Variants in TASOR2 observed in about 807,000 individuals in gnomAD.
The protein encoded by TASOR2 is transcription activation suppressor family member 2, also known as protein TASOR 2.
In TASOR2, 84 loss-of-function variants were observed where a neutral mutation model predicts 199.5. The observed-to-expected ratio is 0.42, with a 90% confidence interval of 0.35 to 0.50. TASOR2 has a LOEUF of 0.50. TASOR2 is among the 20% of genes least tolerant of loss of function. The pLI, the probability that TASOR2 is intolerant of heterozygous loss-of-function variation, is 0.02. For missense variants in TASOR2, 2,796 were observed against 2,835.9 expected, an observed-to-expected ratio of 0.99 and a Z score of 0.32; for synonymous variants, 1,103 against 1,046.6, an observed-to-expected ratio of 1.05 and a Z score of -1.04.
At chr10:5,746,727 A>G in exon 15 of TASOR2, 1 of 1,614,164 alleles carries the variant, frequency 6.2e-7, no homozygotes, top group Non-Finnish European at 8.5e-7. Context: ...CGGAAAATGC[A>G]CGAACACAAG....
intron 2 of TASOR2, among the ~76,000 whole-genome samples, chr10:5,716,440 A>T (rs1339676442): frequency 6.6e-6 from 1 of 152,218 alleles, no homozygotes; most frequent in Non-Finnish European, 1.5e-5. Flanking sequence ...TAAAGTTTAC[A>T]TTCAACTCAT....
At position 5,711,156 on chromosome 10, in the gene TASOR2, A is replaced by G. The variant is rs1475646505; in HGVS notation, c.-287-1667A>G. 2.0e-5 allele frequency among the ~76,000 whole-genome samples: 3 copies of G among 152,244 alleles called. No individual in the cohort carries two copies. The East Asian group carries it at 5.8e-4, about 29-fold the overall frequency. ...AAACATTTCATTCTTTTCTATTTACAGTCTTTCATTTTGATACTTGGAAGT... is the reference window on the plus strand; with the variant it reads ...AAACATTTCATTCTTTTCTATTTACGGTCTTTCATTTTGATACTTGGAAGT... On this transcript the variant is annotated intron_variant, in intron 1 of 20. Transcript: ENST00000328090.
In TASOR2 at chr10:5,687,677, A is replaced by G. The variant is rs2386625; in HGVS notation, c.-288+2502A>G. Among the ~76,000 whole-genome samples, 151,691 of 152,322 alleles carry G rather than the reference A, an allele frequency of 1. 75,534 individuals carry two copies. Among genetic ancestry groups the G allele is most frequent in the East Asian group, 1 (5,178 of 5,178 alleles). ...TCTACTAAAAATACAAAAATTAGCCAGGTGTGGTGGCAGGTGCAGGTAGTC... is the reference window on the plus strand; with the variant it reads ...TCTACTAAAAATACAAAAATTAGCCGGGTGTGGTGGCAGGTGCAGGTAGTC... On this transcript the variant is annotated intron_variant, in intron 1 of 20. Transcript: ENST00000328090. This position sits in a 1 kb window ranked among gnomAD's most constrained non-coding sequence, Gnocchi z 4.8.
chr10:5,747,842 A>G, exon 15 of TASOR2: 1 of 1,613,850 alleles, frequency 6.2e-7, no homozygotes, highest in Non-Finnish European at 8.5e-7. Flanking sequence ...CAACAAATGC[A>G]GGTCTCTGCC....
Position 5,749,786 on chromosome 10 carries a change from TGAA to T in TASOR2, c.6369_6371del (p.Lys2123del), listed in dbSNP as rs763559079. 2.5e-6 allele frequency: 4 copies of T among 1,614,168 alleles called. No individual in the cohort carries two copies. The Admixed American group carries it at 5.0e-5, about 20-fold the overall frequency. Reference sequence around the variant, plus strand: ...GAGTATGCTGAATTCAACAAGGTGATGAAGAATAGCAACCAATTCATTTTCCAA... The same window carrying T: ...GAGTATGCTGAATTCAACAAGGTGATGAATAGCAACCAATTCATTTTCCAA... On this transcript the variant is annotated inframe_deletion, in exon 15 of 21. Transcript: ENST00000328090.
intron 1 of TASOR2, among the ~76,000 whole-genome samples, chr10:5,688,726 G>A (rs1340771292): frequency 2.0e-5 from 3 of 152,010 alleles, no homozygotes; most frequent in Non-Finnish European, 4.4e-5. Flanking sequence ...CAGAAAATTG[G>A]TTGGGTGCGT....
At chr10:5,763,037 A>C (rs1840130071) in exon 21 of TASOR2, 3 of 1,611,950 alleles carry the variant, frequency 1.9e-6, no homozygotes, top group Non-Finnish European at 2.5e-6. Flanking sequence ...AGGTGACTCA[A>C]CTACAGCCTG....
chr10:5,730,612 T>A lies in TASOR2; in HGVS notation c.613T>A (p.Leu205Ile). 1 of 1,614,148 alleles carries A rather than the reference T, an allele frequency of 6.2e-7. No homozygotes were observed. Among genetic ancestry groups the A allele is most frequent in the Non-Finnish European group, 8.5e-7 (1 of 1,180,036 alleles). ...TGAAGAAAGAATCCATCCAAACACA[T>A]TAGTAAAGCGTCATTTCCAAGAATT... The change falls in exon 11 of 21, where the codon TTA becomes ATA. Residue 205 changes from leucine (L) to isoleucine (I), a missense_variant. Leu to Ile is a conservative substitution (Grantham distance 5, BLOSUM62 2). Transcript: ENST00000328090. This position sits in a 1 kb window ranked among gnomAD's most constrained non-coding sequence, Gnocchi z 4.1.
intron 6 of TASOR2, among the ~76,000 whole-genome samples, chr10:5,723,377 T>A (rs1330865812): frequency 6.6e-6 from 1 of 150,426 alleles, no homozygotes; most frequent in African/African-American, 2.5e-5. Context: ...AATAGCATAA[T>A]TTTTTTTAAT....
chr10:5,692,695 G>A (rs1321439129), intron 1 of TASOR2: 1 of 152,160 alleles, frequency 6.6e-6, no homozygotes, highest in Non-Finnish European at 1.5e-5. Context: ...TCGTTCTGTG[G>A]GGTCCGTGGG....
intron 16 of TASOR2, among the ~76,000 whole-genome samples, chr10:5,757,153 T>A (rs1839078729): frequency 6.6e-6 from 1 of 152,234 alleles, no homozygotes; most frequent in South Asian, 2.1e-4. Flanking sequence ...CCTGCCGTCA[T>A]CAGCAGGCAG....
Position 5,722,057 on chromosome 10 carries a change from TAGTG to T in TASOR2, c.146+1090_146+1093del, listed in dbSNP as rs1372107686. ...TGTTTTCTTTTTTTGTGAAGGAACTTAGTGAGACAGTTGGCAGCATTTGAATAAG... is the reference window on the plus strand; with the variant it reads ...TGTTTTCTTTTTTTGTGAAGGAACTTAGACAGTTGGCAGCATTTGAATAAG... On this transcript the variant is annotated intron_variant, in intron 6 of 20. Transcript: ENST00000328090. This position sits in a 1 kb window ranked among gnomAD's most constrained non-coding sequence, Gnocchi z 4.0. 6.6e-6 allele frequency among the ~76,000 whole-genome samples: 1 copy of T among 152,106 alleles called. No homozygotes were observed. Among genetic ancestry groups the T allele is most frequent in the Non-Finnish European group, 1.5e-5 (1 of 68,050 alleles).
At position 5,740,441 on chromosome 10, in the gene TASOR2, A is replaced by G; in HGVS notation, c.2271A>G (p.Leu757=). 1 of 1,614,048 alleles carries G rather than the reference A, an allele frequency of 6.2e-7. No homozygotes were observed. The highest frequency in any genetic ancestry group is 8.5e-7 in the Non-Finnish European group (1 of 1,180,034). ...GTGAAACAGAATATGCATTCAGTTTAGACAGCAAATATACCAACAACCCAC... is the reference window on the plus strand; with the variant it reads ...GTGAAACAGAATATGCATTCAGTTTGGACAGCAAATATACCAACAACCCAC... Residue 757 remains leucine, a synonymous_variant, in exon 13 of 21, where the codon TTA becomes TTG. Transcript: ENST00000328090. The surrounding 1 kb of genome is among the most constrained non-coding windows in gnomAD (Gnocchi z 5.3).
rs969129657 is a variant in TASOR2 at position 5,738,614 on chromosome 10, T to C, written c.1448-1004T>C. 9.2e-5 allele frequency among the ~76,000 whole-genome samples: 14 copies of C among 152,218 alleles called. No individual in the cohort carries two copies. Among genetic ancestry groups the C allele is most frequent in the Admixed American group, 1.3e-4 (2 of 15,280 alleles). ...TATGTGCATGCCCTTGTCGTTCTAA[T>C]TGATGACATCATAGGCTGGAGCTGT... On this transcript the variant is annotated intron_variant, in intron 12 of 20. Coordinates refer to ENST00000328090, the Ensembl canonical transcript of TASOR2. The surrounding 1 kb of genome is among the most constrained non-coding windows in gnomAD (Gnocchi z 4.7).
At chr10:5,684,884 G>T (rs1835634051) in exon 1 of TASOR2, 1 of 396,244 alleles carries the variant, frequency 2.5e-6, no homozygotes, top group East Asian at 3.6e-5. Flanking sequence ...GCATGTTCTC[G>T]CAGGCTGCCG....
chr10:5,706,723 C>A lies in TASOR2; in HGVS notation c.-287-6100C>A, dbSNP rs1477989259. 1.3e-5 allele frequency among the ~76,000 whole-genome samples: 2 copies of A among 152,176 alleles called. No individual in the cohort carries two copies. Among genetic ancestry groups the A allele is most frequent in the African/African-American group, 4.8e-5 (2 of 41,438 alleles). On this transcript the variant is annotated intron_variant, in intron 1 of 20. Coordinates refer to ENST00000328090, the Ensembl canonical transcript of TASOR2. The surrounding 1 kb of genome is among the most constrained non-coding windows in gnomAD (Gnocchi z 4.8). ...ATACAGTTAAGTAGTGAAACCTAGG[C>A]CTAGCACGGTGGCTCATGCCTGTAA...
exon 15 of TASOR2, chr10:5,746,871 T>C (rs758928245): frequency 8.7e-6 from 14 of 1,614,118 alleles, no homozygotes; most frequent in Admixed American, 1.7e-5. Context: ...TTCCAGTCTC[T>C]CTACCATCTG....
chr10:5,748,341 G>T lies in TASOR2; in HGVS notation c.4920G>T (p.Ser1640=). The T allele has an allele frequency of 6.2e-7, 1 of 1,614,204 alleles. No individual in the cohort carries two copies. The highest frequency in any genetic ancestry group is 8.5e-7 in the Non-Finnish European group (1 of 1,180,048). ...AGGTGAAGTCCTTGACAGCTGCCTC[G>T]GTTGATGGAGCTTATTCTACACAGG... The change falls in exon 15 of 21, where the codon TCG becomes TCT. Residue 1640 remains serine, a synonymous_variant. Coordinates refer to ENST00000328090, the Ensembl canonical transcript of TASOR2. This position sits in a 1 kb window ranked among gnomAD's most constrained non-coding sequence, Gnocchi z 5.1.
exon 15 of TASOR2, chr10:5,747,184 T>C (rs779721553): frequency 6.2e-7 from 1 of 1,614,032 alleles, no homozygotes; most frequent in South Asian, 1.1e-5. Context: ...TTTGGAAGCG[T>C]TTGATTCAGT....
Sources: allele counts gnomAD v4.1 joint callset (sites outside exome capture counted in the v4.1 genomes callset), GRCh38; gene constraint gnomAD v4.1.1; non-coding constraint Gnocchi (gnomAD v3.1); transcripts MANE v1.5; gene names NCBI Gene and HGNC (gene_info 2026-07-23, HGNC 2026-07-21).